SYT10: variants seen among roughly 807,000 people sequenced by gnomAD.
The protein encoded by SYT10 is synaptotagmin 10, also known as synaptotagmin-10.
Under a neutral mutation model 51.1 loss-of-function variants are expected in SYT10, and 31 were observed. The observed-to-expected ratio is 0.61, with a 90% CI of 0.46 to 0.82. The LOEUF (loss-of-function observed/expected upper bound fraction) is 0.82, where lower values mean the gene tolerates loss of function less well. Ranked by LOEUF, SYT10 falls within the 40% of genes least tolerant of loss-of-function variation. The probability of loss-of-function intolerance (pLI) is 0.00; values close to 1 mark genes in which losing one functional copy is unlikely to be tolerated. For missense variants in SYT10, 603 were observed against 634.0 expected, an observed-to-expected ratio of 0.95 and a Z score of 0.53; for synonymous variants, 233 against 225.9, an observed-to-expected ratio of 1.03 and a Z score of -0.28.
At chr12:33,401,746 T>A (rs1324256869) in intron 3 of SYT10, among the ~76,000 whole-genome samples, 1 of 152,142 alleles carries the variant, frequency 6.6e-6, no homozygotes, top group Non-Finnish European at 1.5e-5. Context: ...GGGTACAACA[T>A]CCCATTGTTT....
At chr12:33,385,813 T>C (rs1463815510) in intron 3 of SYT10, among the ~76,000 whole-genome samples, 1 of 152,174 alleles carries the variant, frequency 6.6e-6, no homozygotes, top group African/African-American at 2.4e-5. Context: ...AAAACAAAAT[T>C]CTCATTCCAG....
chr12:33,437,877 T>C (rs1866650852), intron 1 of SYT10, among the ~76,000 whole-genome samples: 1 of 152,040 alleles, frequency 6.6e-6, no homozygotes, highest in Non-Finnish European at 1.5e-5. Flanking sequence ...TTTCATACAC[T>C]CCTAGGAATT....
chr12:33,403,218 T>A (rs1357413554), intron 3 of SYT10, among the ~76,000 whole-genome samples: 1 of 149,122 alleles, frequency 6.7e-6, no homozygotes, highest in Non-Finnish European at 1.5e-5. Flanking sequence ...CATTATTGTC[T>A]CTTAATCTGA....
intron 3 of SYT10, chr12:33,405,830 C>T (rs1212562941): frequency 2.0e-5 from 3 of 149,570 alleles, no homozygotes; most frequent in African/African-American, 7.4e-5. Flanking sequence ...AATTCCACTT[C>T]TATAATTCTA....
intron 1 of SYT10, among the ~76,000 whole-genome samples, chr12:33,438,355 G>A (rs1866654755): frequency 6.6e-6 from 1 of 152,144 alleles, no homozygotes; most frequent in Non-Finnish European, 1.5e-5. Flanking sequence ...AGTGTTTTTT[G>A]ACTCCTAGTG....
intron 3 of SYT10, among the ~76,000 whole-genome samples, chr12:33,395,020 G>A (rs1254520315): frequency 1.3e-5 from 2 of 152,198 alleles, no homozygotes; most frequent in Non-Finnish European, 2.9e-5. Context: ...GCCAGGAGGT[G>A]GAGCTTGCAG....
rs189112669 is a variant in SYT10 at position 33,379,802 on chromosome 12, A to G, written c.1500+30T>C. On this transcript the variant is annotated intron_variant, in intron 6 of 6. Coordinates refer to ENST00000228567, the MANE Select transcript of SYT10 (RefSeq NM_198992.4). ...TATTTAAGCAAAAGAGACAACAAAA[A>G]GAGCAGACGTAAGGAACTCACAAGC... 1.7e-4 allele frequency: 273 copies of G among 1,610,768 alleles called. 2 individuals carry two copies. In the African/African-American group the frequency reaches 3.4e-3, roughly 20 times the overall value.
intron 1 of SYT10, among the ~76,000 whole-genome samples, chr12:33,433,865 T>A (rs905158490): frequency 3.3e-5 from 5 of 152,150 alleles, no homozygotes; most frequent in African/African-American, 1.2e-4. Flanking sequence ...AATCTCCTCT[T>A]CCTATTCCTA....
intron 3 of SYT10, among the ~76,000 whole-genome samples, chr12:33,404,176 C>T (rs1866331478): frequency 6.6e-6 from 1 of 151,976 alleles, no homozygotes; most frequent in South Asian, 2.1e-4. Context: ...GCAAAAGGGG[C>T]TTTGTGGATG....
At chr12:33,412,991 A>G (rs1396843491) in intron 2 of SYT10, among the ~76,000 whole-genome samples, 4 of 152,216 alleles carry the variant, frequency 2.6e-5, no homozygotes, top group Admixed American at 2.6e-4. Context: ...TCCTTAAATG[A>G]CCTGATGGAG....
In SYT10 at chr12:33,439,802, A is replaced by G; in HGVS notation, c.-280T>C. 2 of 455,628 alleles carry G rather than the reference A, an allele frequency of 4.4e-6. No homozygotes were observed. Among genetic ancestry groups the G allele is most frequent in the Non-Finnish European group, 7.9e-6 (2 of 254,426 alleles). The allele number at this position is 455,628 out of a possible 1,614,324, so 28.2% of individuals were successfully genotyped here. A position where few individuals can be genotyped will look rare whatever the true frequency, so the allele number is the denominator to read the frequency against. ...GAGCGAGCCGAGGCGCGCTGGAACT[A>G]GAGACCCGGCATGGAGTGCTGAGGG... is the stretch of plus-strand genomic sequence containing the variant. On this transcript the variant is annotated 5_prime_UTR_variant, in exon 1 of 7. It removes the in-frame stop codon of an upstream open reading frame in the 5' UTR. Coordinates refer to ENST00000228567, the MANE Select transcript of SYT10 (RefSeq NM_198992.4).
chr12:33,419,887 A>G (rs1866487111), intron 2 of SYT10, among the ~76,000 whole-genome samples: 1 of 152,224 alleles, frequency 6.6e-6, no homozygotes, highest in South Asian at 2.1e-4. Flanking sequence ...ATTCTCAATA[A>G]TAACTGGTCA....
chr12:33,430,698 G>A (rs1866589960), intron 1 of SYT10, among the ~76,000 whole-genome samples: 2 of 152,038 alleles, frequency 1.3e-5, no homozygotes. Context: ...ATATAATTTA[G>A]TTCATCGGTA....
intron 3 of SYT10, among the ~76,000 whole-genome samples, chr12:33,399,107 T>C (rs1008857046): frequency 2.6e-5 from 4 of 152,216 alleles, no homozygotes; most frequent in African/African-American, 4.8e-5. Context: ...GGAAATTATG[T>C]AGATGTGATG....
chr12:33,418,613 C>T (rs1866474982), intron 2 of SYT10, among the ~76,000 whole-genome samples: 1 of 152,156 alleles, frequency 6.6e-6, no homozygotes, highest in African/African-American at 2.4e-5. Context: ...ACTTGATTTT[C>T]CCAGACGCTC....
At chr12:33,386,021 C>T (rs1433022165) in intron 3 of SYT10, among the ~76,000 whole-genome samples, 2 of 152,046 alleles carry the variant, frequency 1.3e-5, no homozygotes, top group Admixed American at 1.3e-4. Context: ...TTAAAAACAT[C>T]CCCGTCCACA....
At chr12:33,435,914 T>C (rs1400127727) in intron 1 of SYT10, among the ~76,000 whole-genome samples, 1 of 152,196 alleles carries the variant, frequency 6.6e-6, no homozygotes, top group Non-Finnish European at 1.5e-5. Context: ...ATGTATGAAT[T>C]TAGAAGAATT....
At chr12:33,379,549 C>CAA (rs71068377) in intron 6 of SYT10, among the ~76,000 whole-genome samples, 807 of 22,136 alleles carry the variant, frequency 0.036, 42 homozygotes, top group East Asian at 0.075. Flanking sequence ...TCAGGCTATG[C>CAA]AAAAAAAAAA....
intron 3 of SYT10, among the ~76,000 whole-genome samples, chr12:33,391,149 C>T (rs1866202706): frequency 6.6e-6 from 1 of 152,166 alleles, no homozygotes; most frequent in African/African-American, 2.4e-5. Context: ...GTTGGCCAGA[C>T]TGGTCTTGAA....
Sources: allele counts gnomAD v4.1 joint callset (sites outside exome capture counted in the v4.1 genomes callset), GRCh38; gene constraint gnomAD v4.1.1; transcripts MANE v1.5; gene names NCBI Gene and HGNC (gene_info 2026-07-23, HGNC 2026-07-21).